Variants in VMP1 observed in about 807,000 individuals in gnomAD.
The protein encoded by VMP1 is vacuole membrane protein 1.
Under a neutral mutation model 56.0 loss-of-function variants are expected in VMP1, and 11 were observed. The observed-to-expected ratio is 0.20, with a 90% confidence interval of 0.12 to 0.32. VMP1 has a LOEUF of 0.32. Ranked by LOEUF, VMP1 falls within the 10% of genes least tolerant of loss-of-function variation. The pLI, the probability that VMP1 is intolerant of heterozygous loss-of-function variation, is 1.00. For synonymous variants in VMP1, 149 were observed against 165.0 expected, an observed-to-expected ratio of 0.90 and a Z score of 0.74; for missense variants, 296 against 490.3, an observed-to-expected ratio of 0.60 and a Z score of 3.74.
intron 10 of VMP1, among the ~76,000 whole-genome samples, chr17:59,823,565 T>C (rs1430126620): frequency 6.6e-6 from 1 of 151,152 alleles, no homozygotes; most frequent in Non-Finnish European, 1.5e-5. Flanking sequence ...CTGGCTAACA[T>C]GGTGAAACCC....
At chr17:59,834,094 T>C (rs1242763477) in intron 10 of VMP1, 1 of 151,848 alleles carries the variant, frequency 6.6e-6, no homozygotes, top group Admixed American at 6.6e-5. Flanking sequence ...TAGCTGGGAT[T>C]ACAGGCGCCC....
At chr17:59,751,265 G>T (rs2143907549) in intron 5 of VMP1, among the ~76,000 whole-genome samples, 1 of 152,076 alleles carries the variant, frequency 6.6e-6, no homozygotes, top group South Asian at 2.1e-4. Context: ...AAGCATTCAG[G>T]TTACCTTTTA....
intron 5 of VMP1, among the ~76,000 whole-genome samples, chr17:59,754,541 T>C (rs1459221666): frequency 6.6e-6 from 1 of 152,216 alleles, no homozygotes; most frequent in African/African-American, 2.4e-5. Flanking sequence ...GACTATTGCT[T>C]TATTGCTCAT....
intron 5 of VMP1, among the ~76,000 whole-genome samples, chr17:59,758,219 C>T (rs930633391): frequency 1.3e-5 from 2 of 152,148 alleles, no homozygotes; most frequent in African/African-American, 4.8e-5. Context: ...TGTGTTCACA[C>T]TCATTTTATA....
At chr17:59,722,758 G>A (rs541377783) in intron 1 of VMP1, among the ~76,000 whole-genome samples, 13 of 152,284 alleles carry the variant, frequency 8.5e-5, no homozygotes, top group East Asian at 7.7e-4. Context: ...GCAGGAGAAT[G>A]GCTTGAACCT....
chr17:59,711,414 A>G (rs2033929127), intron 1 of VMP1, among the ~76,000 whole-genome samples: 1 of 108,238 alleles, frequency 9.2e-6, no homozygotes, highest in Non-Finnish European at 2.6e-5. Context: ...TTTGGTGTGG[A>G]AATGAACTCT....
intron 1 of VMP1, among the ~76,000 whole-genome samples, chr17:59,724,037 C>T (rs193168965): frequency 1.7e-3 from 264 of 151,880 alleles, no homozygotes; most frequent in Non-Finnish European, 1.6e-3. Flanking sequence ...AATGGGGAAA[C>T]CCAGTCTCTA....
intron 7 of VMP1, among the ~76,000 whole-genome samples, chr17:59,784,142 T>TGAGAGAGAGAGA (rs1555621322): frequency 7.7e-6 from 1 of 130,376 alleles, no homozygotes; most frequent in African/African-American, 3.0e-5. Context: ...TGTGTGTGTG[T>TGAGAGAGAGAGA]GAGAGAGAGA....
intron 7 of VMP1, among the ~76,000 whole-genome samples, chr17:59,799,516 T>G (rs2037562525): frequency 6.6e-6 from 1 of 152,158 alleles, no homozygotes; most frequent in Non-Finnish European, 1.5e-5. Context: ...AATTTAAAAT[T>G]TATTAACTAT....
chr17:59,761,553 A>C (rs1023468158), intron 5 of VMP1, among the ~76,000 whole-genome samples: 6 of 152,066 alleles, frequency 3.9e-5, no homozygotes, highest in Non-Finnish European at 8.8e-5. Flanking sequence ...AGTAGCTTTC[A>C]CCTTAGGACC....
Position 59,764,978 on chromosome 17 carries a change from A to G in VMP1, c.422A>G (p.His141Arg), listed in dbSNP as rs2036182086. ...LHTFLLYLGP[H>R]IASVTLAAYE... ...CTTGTATTTGTTTTATAGGGTCCAC[A>G]TATAGCCTCAGTTACATTAGCTGCT... The change falls in exon 6 of 12, where the codon CAT becomes CGT. Residue 141 changes from histidine (H) to arginine (R), a missense_variant. By Grantham distance (29) the His-to-Arg change is conservative. Around this residue, in one of 4 missense-constraint regions of VMP1, gnomAD observed 126 missense variants for 231.6 expected, o/e 0.54. Coordinates refer to ENST00000262291, the MANE Select transcript of VMP1 (RefSeq NM_030938.5). The G allele has an allele frequency of 4.4e-6, 7 of 1,608,616 alleles. No homozygotes were observed. The South Asian group carries it at 7.8e-5, about 18-fold the overall frequency.
intron 5 of VMP1, among the ~76,000 whole-genome samples, chr17:59,748,385 T>G (rs1457092816): frequency 6.6e-6 from 1 of 152,196 alleles, no homozygotes; most frequent in Non-Finnish European, 1.5e-5. Flanking sequence ...ATAAAATCTT[T>G]CATTAAATCC....
chr17:59,840,183 T>G lies in VMP1; in HGVS notation c.*272T>G, dbSNP rs2039115081. On this transcript the variant is annotated 3_prime_UTR_variant, in exon 12 of 12. Transcript: ENST00000262291. ...ACTTGCAACAGACTGGCCTTCTGTT[T>G]GTTACTTTCAAAAGGCCCACATGAT... 8.0e-6 allele frequency: 3 copies of G among 373,220 alleles called. No homozygotes were observed. Among genetic ancestry groups the G allele is most frequent in the South Asian group, 7.5e-5 (2 of 26,670 alleles). 23.1% of individuals were successfully genotyped at this position (373,220 alleles called of 1,614,324 possible).
chr17:59,772,950 C>CTTTTTTTTTTTTTTTTTTTTTTTTTT lies in VMP1; in HGVS notation c.583-799_583-774dup, dbSNP rs1179269248. The stretch of plus-strand genomic sequence containing the variant: ...TATCTAACACATATACTGGTGAATT[C>CTTTTTTTTTTTTTTTTTTTTTTTTTT]TTTTTTTTTTTTTTTTTTTTTTTTT... On this transcript the variant is annotated intron_variant, in intron 6 of 11. Transcript: ENST00000262291. Among the ~76,000 whole-genome samples, 11 of 55,718 alleles carry CTTTTTTTTTTTTTTTTTTTTTTTTTT rather than the reference C, an allele frequency of 2.0e-4. 2 individuals carry two copies. The highest frequency in any genetic ancestry group is 6.2e-4 in the Admixed American group (2 of 3,216). 36.6% of individuals were successfully genotyped at this position (55,718 alleles called of 152,430 possible).
intron 7 of VMP1, among the ~76,000 whole-genome samples, chr17:59,786,651 C>T (rs2037016932): frequency 6.6e-6 from 1 of 152,194 alleles, no homozygotes; most frequent in Non-Finnish European, 1.5e-5. Flanking sequence ...CCTTCATTTC[C>T]AGTAAACTGT....
chr17:59,768,896 G>A lies in VMP1; in HGVS notation c.582+3758G>A, dbSNP rs537116956. Among the ~76,000 whole-genome samples the A allele has an allele frequency of 1.1e-4, 16 of 152,022 alleles. No individual in the cohort carries two copies. In the South Asian group the frequency reaches 2.9e-3, roughly 28 times the overall value. On this transcript the variant is annotated intron_variant, in intron 6 of 11. Coordinates refer to ENST00000262291, the MANE Select transcript of VMP1 (RefSeq NM_030938.5). The stretch of plus-strand genomic sequence containing the variant: ...AGCTACTTGGGAGCCTGAGGCAGGC[G>A]GCTCACTTGAGGTCAGGTGTTCAAG...
chr17:59,813,116 T>C (rs1441966456), intron 9 of VMP1, among the ~76,000 whole-genome samples: 1 of 152,130 alleles, frequency 6.6e-6, no homozygotes, highest in Non-Finnish European at 1.5e-5. Flanking sequence ...ATTTTGGCAT[T>C]TGGGTCAAGT....
At chr17:59,801,113 TG>T (rs1254657676) in intron 7 of VMP1, among the ~76,000 whole-genome samples, 1 of 61,946 alleles carries the variant, frequency 1.6e-5, no homozygotes, top group Non-Finnish European at 2.7e-5. Context: ...TATATATATA[TG>T]TGTGTGTGTG....
chr17:59,822,536 G>A (rs754626575), intron 10 of VMP1, among the ~76,000 whole-genome samples: 14 of 151,366 alleles, frequency 9.2e-5, no homozygotes, highest in Non-Finnish European at 1.6e-4. Flanking sequence ...ACCATGTCAC[G>A]CTGGTCTTGA....
Sources: allele counts gnomAD v4.1 joint callset (sites outside exome capture counted in the v4.1 genomes callset), GRCh38; gene constraint gnomAD v4.1.1; regional missense constraint gnomAD v4.1.1; transcripts MANE v1.5; gene names NCBI Gene and HGNC (gene_info 2026-07-23, HGNC 2026-07-21).